The following LOC128462377 variants were observed in gnomAD, a reference collection of about 807,000 sequenced individuals.
the LOC128462377 span, among the ~76,000 whole-genome samples, chr16:89,413,066 G>A: frequency 6.6e-6 from 1 of 152,172 alleles, no homozygotes; most frequent in South Asian, 2.1e-4. Flanking sequence ...AGAGCCTGGA[G>A]GGGGAGGGAG....
the LOC128462377 span, among the ~76,000 whole-genome samples, chr16:89,400,927 T>G: frequency 6.6e-6 from 1 of 152,096 alleles, no homozygotes; most frequent in Non-Finnish European, 1.5e-5. Flanking sequence ...TCTCACAGGC[T>G]CCACCCTGCT....
the LOC128462377 span, chr16:89,321,010 C>G: frequency 6.6e-6 from 1 of 152,396 alleles, no homozygotes; most frequent in African/African-American, 2.4e-5. Flanking sequence ...CTGTCAAGAC[C>G]GGCCCAGGGA....
the LOC128462377 span, among the ~76,000 whole-genome samples, chr16:89,405,661 C>G: frequency 6.6e-6 from 1 of 152,104 alleles, no homozygotes; most frequent in Non-Finnish European, 1.5e-5. Flanking sequence ...ATCAGCCTTC[C>G]TGACTGCTGC....
chr16:89,397,428 C>T, the LOC128462377 span, among the ~76,000 whole-genome samples: 2 of 152,242 alleles, frequency 1.3e-5, no homozygotes, highest in South Asian at 4.1e-4. Context: ...GGACTCCCAG[C>T]GCCGTACCAC....
chr16:89,333,298 C>G, the LOC128462377 span, among the ~76,000 whole-genome samples: 1 of 152,190 alleles, frequency 6.6e-6, no homozygotes, highest in Non-Finnish European at 1.5e-5. Context: ...CAGAGGGTTC[C>G]CCTGCACCCC....
At chr16:89,329,224 G>A in the LOC128462377 span, among the ~76,000 whole-genome samples, 1 of 152,228 alleles carries the variant, frequency 6.6e-6, no homozygotes, top group Non-Finnish European at 1.5e-5. Context: ...CTGTCGAGGA[G>A]GCTCTAGGAC....
the LOC128462377 span, among the ~76,000 whole-genome samples, chr16:89,374,136 C>G: frequency 0.011 from 1,604 of 152,304 alleles, 12 homozygotes; most frequent in Non-Finnish European, 0.015. Flanking sequence ...TCACCCTCCC[C>G]TCTCCCCATG....
chr16:89,350,980 G>T, the LOC128462377 span, among the ~76,000 whole-genome samples: 1 of 152,186 alleles, frequency 6.6e-6, no homozygotes, highest in East Asian at 1.9e-4. Context: ...TCTGCCTTCT[G>T]GATCTGGGTA....
the LOC128462377 span, among the ~76,000 whole-genome samples, chr16:89,350,120 G>A: frequency 6.6e-6 from 1 of 152,126 alleles, no homozygotes. Flanking sequence ...TTTGTCACTA[G>A]GGCACTGGAA....
the LOC128462377 span, among the ~76,000 whole-genome samples, chr16:89,333,424 T>C: frequency 6.6e-6 from 1 of 152,156 alleles, no homozygotes; most frequent in Non-Finnish European, 1.5e-5. Context: ...GTGCAGTCTA[T>C]GGTTGGACGA....
the LOC128462377 span, among the ~76,000 whole-genome samples, chr16:89,334,956 A>G: frequency 1.3e-5 from 2 of 152,134 alleles, no homozygotes; most frequent in African/African-American, 4.8e-5. Flanking sequence ...GTCAAGCAGC[A>G]GAGTGGAGGG....
At chr16:89,386,840 C>T in the LOC128462377 span, among the ~76,000 whole-genome samples, 17 of 152,312 alleles carry the variant, frequency 1.1e-4, no homozygotes, top group African/African-American at 3.8e-4. Context: ...AGACTCAGTC[C>T]TATCACAGCC....
the LOC128462377 span, among the ~76,000 whole-genome samples, chr16:89,417,301 T>C: frequency 1.3e-5 from 2 of 152,204 alleles, no homozygotes; most frequent in Non-Finnish European, 2.9e-5. Flanking sequence ...AGATTATGTA[T>C]TTTTGGAATG....
At chr16:89,381,910 G>A in the LOC128462377 span, among the ~76,000 whole-genome samples, 3 of 152,242 alleles carry the variant, frequency 2.0e-5, no homozygotes, top group Admixed American at 1.3e-4. Flanking sequence ...CCAGCCGACT[G>A]CACTCTCAGG....
chr16:89,345,577 C>A, the LOC128462377 span, among the ~76,000 whole-genome samples: 78 of 152,322 alleles, frequency 5.1e-4, no homozygotes, highest in Non-Finnish European at 8.4e-4. Flanking sequence ...TATAAATGAA[C>A]CAGTCTCAGG....
the LOC128462377 span, among the ~76,000 whole-genome samples, chr16:89,359,974 G>A: frequency 2.0e-5 from 3 of 152,000 alleles, no homozygotes; most frequent in Non-Finnish European, 2.9e-5. Flanking sequence ...GTGGGCGGGG[G>A]GGGAGGTTGT....
the LOC128462377 span, among the ~76,000 whole-genome samples, chr16:89,372,554 T>C: frequency 6.6e-6 from 1 of 152,144 alleles, no homozygotes; most frequent in South Asian, 2.1e-4. Flanking sequence ...TAAAACAAGA[T>C]GATGTTGGAG....
the LOC128462377 span, among the ~76,000 whole-genome samples, chr16:89,332,362 C>T: frequency 3.0e-4 from 45 of 152,318 alleles, no homozygotes; most frequent in Admixed American, 7.2e-4. Context: ...TGGGCTGTAC[C>T]TTTTCAGAAA....
the LOC128462377 span, among the ~76,000 whole-genome samples, chr16:89,342,364 G>A: frequency 2.6e-5 from 4 of 152,338 alleles, no homozygotes; most frequent in African/African-American, 9.6e-5. Flanking sequence ...GTCGGAAAAC[G>A]TTGAACTCCC....
Sources: gnomAD v4.1 joint callset for allele counts (sites outside exome capture counted in the v4.1 genomes callset) on GRCh38, gnomAD v4.1.1 for gene constraint, MANE v1.5 for transcripts.